CAMK2D: variants seen among roughly 807,000 people sequenced by gnomAD.
CAMK2D encodes calcium/calmodulin-dependent protein kinase type II subunit delta.
In CAMK2D, 37 loss-of-function variants were observed where a neutral mutation model predicts 84.0. The observed-to-expected ratio is 0.44, with a 90% CI of 0.34 to 0.58. The LOEUF is 0.58. CAMK2D is among the 20% of genes least tolerant of loss of function. CAMK2D has a pLI of 0.02. For missense variants in CAMK2D, 448 were observed against 652.5 expected, an observed-to-expected ratio of 0.69 and a Z score of 3.41; for synonymous variants, 202 against 212.5, an observed-to-expected ratio of 0.95 and a Z score of 0.43.
intron 2 of CAMK2D, among the ~76,000 whole-genome samples, chr4:113,732,016 G>A (rs144839473): frequency 1.3e-5 from 2 of 152,132 alleles, no homozygotes; most frequent in Non-Finnish European, 2.9e-5. Flanking sequence ...CTTTCTGGGT[G>A]ATGTGAGGTG....
chr4:113,571,853 C>T (rs927456653), intron 4 of CAMK2D, among the ~76,000 whole-genome samples: 19 of 152,136 alleles, frequency 1.2e-4, no homozygotes, highest in Admixed American at 7.9e-4. Flanking sequence ...ATGTGAGACA[C>T]GAGTTTCATA....
At chr4:113,462,190 C>G (rs570068288) in intron 17 of CAMK2D, among the ~76,000 whole-genome samples, 7 of 152,062 alleles carry the variant, frequency 4.6e-5, no homozygotes, top group East Asian at 1.9e-4. Context: ...TACATCAGTA[C>G]TAACATAATC....
chr4:113,744,133 C>T (rs2099599113), intron 2 of CAMK2D, among the ~76,000 whole-genome samples: 1 of 152,228 alleles, frequency 6.6e-6, no homozygotes, highest in African/African-American at 2.4e-5. Flanking sequence ...AGCCACCACA[C>T]CCAGCCCCCT....
intron 4 of CAMK2D, among the ~76,000 whole-genome samples, chr4:113,593,975 T>C (rs1047621076): frequency 7.9e-5 from 12 of 152,114 alleles, no homozygotes; most frequent in Non-Finnish European, 1.8e-4. Flanking sequence ...AAGAAAAACC[T>C]GAGACTGAGT....
At chr4:113,459,681 C>T (rs1316396198) in intron 18 of CAMK2D, among the ~76,000 whole-genome samples, 1 of 149,988 alleles carries the variant, frequency 6.7e-6, no homozygotes, top group Non-Finnish European at 1.5e-5. Flanking sequence ...TCTTGTTGCC[C>T]AGGCTTGCGA....
chr4:113,581,411 G>A (rs1031348460), intron 4 of CAMK2D, among the ~76,000 whole-genome samples: 3 of 151,660 alleles, frequency 2.0e-5, no homozygotes, highest in Non-Finnish European at 1.5e-5. Context: ...TACGTGGGAG[G>A]CTGAGGCAGG....
chr4:113,536,952 G>C (rs1043887022), intron 7 of CAMK2D, among the ~76,000 whole-genome samples: 1 of 152,044 alleles, frequency 6.6e-6, no homozygotes, highest in Non-Finnish European at 1.5e-5. Context: ...TGTGTTTCTT[G>C]AGCATCTACT....
At chr4:113,516,543 A>G (rs1706988347) in intron 9 of CAMK2D, among the ~76,000 whole-genome samples, 1 of 152,198 alleles carries the variant, frequency 6.6e-6, no homozygotes, top group Admixed American at 6.5e-5. Flanking sequence ...ATTTGTTCCA[A>G]TTACTAGTCT....
intron 2 of CAMK2D, among the ~76,000 whole-genome samples, chr4:113,742,852 C>T (rs1420203019): frequency 6.6e-6 from 1 of 152,120 alleles, no homozygotes; most frequent in Non-Finnish European, 1.5e-5. Flanking sequence ...ATAGCATGTA[C>T]TACCTATTTC....
rs761704573 is a variant in CAMK2D at position 113,509,721 on chromosome 4, C to A, written c.947-46G>T. 2.8e-6 allele frequency: 4 copies of A among 1,409,012 alleles called. No individual in the cohort carries two copies. The South Asian group carries it at 4.6e-5, about 16-fold the overall frequency. The allele number at this position is 1,409,012 out of a possible 1,614,324, so 87.3% of individuals were successfully genotyped here. A position where few individuals can be genotyped will look rare whatever the true frequency, so the allele number is the denominator to read the frequency against. Reference sequence around the variant, plus strand: ...CAGTTTAGTGAGTTATCCATAGAAACCCACAGCCAGACAACAAAGCAGTCA... The same window carrying A: ...CAGTTTAGTGAGTTATCCATAGAAAACCACAGCCAGACAACAAAGCAGTCA... On this transcript the variant is annotated intron_variant, in intron 12 of 20. Transcript: ENST00000511664.
chr4:113,546,978 T>C (rs902684743), intron 6 of CAMK2D, among the ~76,000 whole-genome samples: 1 of 152,216 alleles, frequency 6.6e-6, no homozygotes, highest in African/African-American at 2.4e-5. Context: ...TGAGAATATG[T>C]ATATAGGGAT....
chr4:113,557,855 A>T (rs17630310), intron 4 of CAMK2D, among the ~76,000 whole-genome samples: 5,534 of 152,294 alleles, frequency 0.036, 345 homozygotes, highest in East Asian at 0.2. Context: ...GGAAAACACA[A>T]CAGCTGATAC....
At chr4:113,498,461 T>C (rs1485406932) in intron 16 of CAMK2D, among the ~76,000 whole-genome samples, 2 of 152,024 alleles carry the variant, frequency 1.3e-5, no homozygotes, top group African/African-American at 4.8e-5. Context: ...TAATGGGCTA[T>C]GGTTATGACA....
intron 4 of CAMK2D, among the ~76,000 whole-genome samples, chr4:113,555,414 C>T (rs1302977454): frequency 6.6e-6 from 1 of 152,040 alleles, no homozygotes; most frequent in African/African-American, 2.4e-5. Context: ...GGGACTAACT[C>T]TGGAAAAAGG....
At chr4:113,713,187 A>T (rs1193839242) in intron 2 of CAMK2D, among the ~76,000 whole-genome samples, 1 of 151,950 alleles carries the variant, frequency 6.6e-6, no homozygotes, top group Non-Finnish European at 1.5e-5. Flanking sequence ...GTCCTGAATG[A>T]CCAACTCTGT....
rs79272411 is a variant in CAMK2D at position 113,611,381 on chromosome 4, G to A, written c.221-2175C>T. Among the ~76,000 whole-genome samples the A allele has an allele frequency of 4.0e-3, 616 of 152,258 alleles. 9 individuals are homozygous for A. Among genetic ancestry groups the A allele is most frequent in the African/African-American group, 0.014 (597 of 41,548 alleles). On this transcript the variant is annotated intron_variant, in intron 3 of 20. Coordinates refer to ENST00000511664, the MANE Select transcript of CAMK2D (RefSeq NM_001321571.2). ...TCAAATGAACTTAAATAATGGCATG[G>A]CTTCTTAAAGAACTCATAACAATTA...
At chr4:113,613,879 T>C (rs1458054059) in intron 3 of CAMK2D, among the ~76,000 whole-genome samples, 1 of 151,988 alleles carries the variant, frequency 6.6e-6, no homozygotes, top group Admixed American at 6.6e-5. Context: ...TATGTGTGTG[T>C]GTGCGAGAGA....
At chr4:113,641,928 T>C (rs928258614) in intron 3 of CAMK2D, among the ~76,000 whole-genome samples, 2 of 152,056 alleles carry the variant, frequency 1.3e-5, no homozygotes, top group African/African-American at 2.4e-5. Flanking sequence ...GAGAATCACT[T>C]GAACCCGGGA....
rs537771974 is a variant in CAMK2D, at chr4:113,542,694, A to G, written c.414+4950T>C. On this transcript the variant is annotated intron_variant, in intron 6 of 20. Transcript: ENST00000511664. The stretch of plus-strand genomic sequence containing the variant: ...CGCGCCACTGCCCTCCAGCCTGGGC[A>G]ACAGAGCGAGATTCCGTCTCAAAAA... Among the ~76,000 whole-genome samples, 973 of 151,248 alleles carry G rather than the reference A, an allele frequency of 6.4e-3. 5 individuals are homozygous for G. The highest frequency in any genetic ancestry group is 0.014 in the Middle Eastern group (4 of 292).
Sources: allele counts gnomAD v4.1 joint callset (sites outside exome capture counted in the v4.1 genomes callset), GRCh38; gene constraint gnomAD v4.1.1; transcripts MANE v1.5; gene names NCBI Gene and HGNC (gene_info 2026-07-23, HGNC 2026-07-21).